BTN3A3: variants seen among roughly 807,000 people sequenced by gnomAD.
The protein encoded by BTN3A3 is butyrophilin subfamily 3 member A3.
In BTN3A3, 39 loss-of-function variants were observed where a neutral mutation model predicts 43.2. The ratio of observed to expected loss-of-function variants is 0.90; its 90% CI spans 0.70 to 1.18. The LOEUF (loss-of-function observed/expected upper bound fraction) is 1.18. Ranked by LOEUF, BTN3A3 falls within the 50% of genes most tolerant of loss-of-function variation. The probability of loss-of-function intolerance (pLI) is 0.00; values close to 1 mark genes in which losing one functional copy is unlikely to be tolerated. For synonymous variants in BTN3A3, 255 were observed against 272.7 expected (o/e 0.93, Z 0.64); for missense variants, 631 against 722.8 (o/e 0.87, Z 1.46).
rs79652472 is a variant in BTN3A3, at chr6:26,449,674, C to A, written c.977C>A (p.Ser326Tyr). 6.8e-6 allele frequency: 11 copies of A among 1,614,194 alleles called. No individual in the cohort carries two copies. Among genetic ancestry groups the A allele is most frequent in the Non-Finnish European group, 9.3e-6 (11 of 1,180,022 alleles). ...TCTTTCATTGTAGGTGGAGAGAAGT[C>A]TTTGGCCTATCATGGTGAGTGAGCC... ...KIQYMARGEK[S>Y]LAYHEWKMAL... is the part of the protein sequence containing the mutation. Residue 326 changes from serine (S) to tyrosine (Y), a missense_variant, in exon 9 of 11, where the codon TCT (serine) becomes TAT (tyrosine). By Grantham distance (144) the Ser-to-Tyr change is moderately radical. Coordinates refer to ENST00000244519, the MANE Select transcript of BTN3A3 (RefSeq NM_006994.5).
Position 26,452,480 on chromosome 6 carries a change from A to G in BTN3A3, c.*69A>G. 1 of 1,356,338 alleles carries G rather than the reference A, an allele frequency of 7.4e-7. No individual in the cohort carries two copies. The highest frequency in any genetic ancestry group is 9.8e-7 in the Non-Finnish European group (1 of 1,017,714). 84.0% of individuals were successfully genotyped at this position (1,356,338 alleles called of 1,614,324 possible). On this transcript the variant is annotated 3_prime_UTR_variant, in exon 11 of 11. Coordinates refer to ENST00000244519, the MANE Select transcript of BTN3A3 (RefSeq NM_006994.5). ...ACCACCTTATTGTCCCCTTATACAG[A>G]TAAGGAAACTGGGGTGCAGAAAGGT...
chr6:26,452,691 G>A lies in BTN3A3; in HGVS notation c.*280G>A, dbSNP rs1762962609. On this transcript the variant is annotated 3_prime_UTR_variant, in exon 11 of 11. Transcript: ENST00000244519. ...ATATTTTGCAAGTATGGAAGCTGAGGCAGGGCAACATGAAGTAACTTACAT... is the reference window on the plus strand; with the variant it reads ...ATATTTTGCAAGTATGGAAGCTGAGACAGGGCAACATGAAGTAACTTACAT... 2.6e-6 allele frequency: 1 copy of A among 379,188 alleles called. No homozygotes were observed. The highest frequency in any genetic ancestry group is 4.8e-6 in the Non-Finnish European group (1 of 210,504). 23.5% of individuals were successfully genotyped at this position (379,188 alleles called of 1,614,324 possible). A position where few individuals can be genotyped will look rare whatever the true frequency, so the allele number is the denominator to read the frequency against.
intron 5 of BTN3A3, among the ~76,000 whole-genome samples, chr6:26,447,567 C>G (rs1762812443): frequency 6.6e-6 from 1 of 152,120 alleles, no homozygotes; most frequent in Non-Finnish European, 1.5e-5. Flanking sequence ...TTCACCGTGT[C>G]GGCCAAGCTG....
chr6:26,450,597 G>C (rs762902973), intron 10 of BTN3A3, among the ~76,000 whole-genome samples: 2 of 152,220 alleles, frequency 1.3e-5, no homozygotes, highest in Middle Eastern at 3.2e-3. Context: ...TTTTGTGGGG[G>C]TGAGGTGAAG....
chr6:26,451,428 A>C (rs1244573751), intron 10 of BTN3A3, among the ~76,000 whole-genome samples: 1 of 152,142 alleles, frequency 6.6e-6, no homozygotes, highest in African/African-American at 2.4e-5. Flanking sequence ...GAGGATCCTT[A>C]TTGCTTCCTG....
intron 10 of BTN3A3, among the ~76,000 whole-genome samples, chr6:26,450,424 AG>A (rs913402551): frequency 2.6e-5 from 4 of 152,154 alleles, no homozygotes; most frequent in African/African-American, 9.7e-5. Flanking sequence ...GTGATACTGC[AG>A]GGAGAGTGAG....
intron 1 of BTN3A3, among the ~76,000 whole-genome samples, chr6:26,442,571 A>G (rs1406911134): frequency 6.6e-6 from 1 of 152,180 alleles, no homozygotes; most frequent in Non-Finnish European, 1.5e-5. Context: ...ACAATAAATC[A>G]ACTCTTTTTA....
At chr6:26,442,861 C>T (rs1762677162) in intron 1 of BTN3A3, among the ~76,000 whole-genome samples, 1 of 152,236 alleles carries the variant, frequency 6.6e-6, no homozygotes, top group Non-Finnish European at 1.5e-5. Context: ...AACAAGATCA[C>T]ACAGCTTGTG....
chr6:26,451,097 T>C (rs1581659443), intron 10 of BTN3A3, among the ~76,000 whole-genome samples: 2 of 152,216 alleles, frequency 1.3e-5, no homozygotes, highest in East Asian at 3.9e-4. Context: ...GGGCCCCTCA[T>C]AGAGCCCAGC....
chr6:26,452,254 A>T lies in BTN3A3; in HGVS notation c.1598A>T (p.Glu533Val), dbSNP rs1319215948. 6.2e-7 allele frequency: 1 copy of T among 1,614,118 alleles called. No homozygotes were observed. Among genetic ancestry groups the T allele is most frequent in the Admixed American group, 1.7e-5 (1 of 60,008 alleles). ...GACCTAGTGCCTGATCATTCCCTGGAGACACCACTGACCCCGGGCTTAGCT... is the reference window on the plus strand; with the variant it reads ...GACCTAGTGCCTGATCATTCCCTGGTGACACCACTGACCCCGGGCTTAGCT... ...DPDLVPDHSL[E>V]TPLTPGLANE... is the part of the protein sequence containing the mutation. Residue 533 changes from glutamate to valine, a missense_variant, in exon 11 of 11, where the codon GAG (glutamate) becomes GTG (valine). By Grantham distance (121) the Glu-to-Val change is moderately radical. This residue lies in a region of BTN3A3 where 551 missense variants were observed against 584.0 expected (regional missense o/e 0.94). Transcript: ENST00000244519.
At chr6:26,449,614 G>T (rs750339917) in intron 8 of BTN3A3, 48 bp from the exon 9 acceptor site, 1 of 1,610,958 alleles carries the variant, frequency 6.2e-7, no homozygotes, top group Middle Eastern at 1.7e-4. Flanking sequence ...GGGGCCAACA[G>T]AGCAAAGGCA....
At chr6:26,446,790 G>A (rs539483450) in intron 5 of BTN3A3, among the ~76,000 whole-genome samples, 12 of 152,080 alleles carry the variant, frequency 7.9e-5, no homozygotes, top group African/African-American at 2.2e-4. Context: ...GTGCAATGGC[G>A]CAATCTCGGC....
intron 10 of BTN3A3, among the ~76,000 whole-genome samples, chr6:26,451,253 G>A (rs1243934488): frequency 6.6e-6 from 1 of 152,128 alleles, no homozygotes; most frequent in Non-Finnish European, 1.5e-5. Flanking sequence ...CTTCAGATGA[G>A]GCTCCACCTT....
At chr6:26,442,242 T>C (rs1378654507) in intron 1 of BTN3A3, among the ~76,000 whole-genome samples, 1 of 152,198 alleles carries the variant, frequency 6.6e-6, no homozygotes, top group African/African-American at 2.4e-5. Flanking sequence ...GTTGAGGAGT[T>C]AGTATTTACT....
At chr6:26,444,404 A>G in intron 4 of BTN3A3, 100 bp downstream of exon 4, 3 of 1,577,918 alleles carry the variant, frequency 1.9e-6, no homozygotes, top group Non-Finnish European at 2.6e-6. Context: ...CTGGCTGCTC[A>G]CTAGCAATTG....
chr6:26,451,859 G>A lies in BTN3A3; in HGVS notation c.1203G>A (p.Val401=). Residue 401 remains valine, a synonymous_variant, in exon 11 of 11, where the codon GTG becomes GTA. Transcript: ENST00000244519. ...TSGRHYWEVE[V]GDRKEWHIGV... ...GGAGACATTACTGGGAGGTGGAAGT[G>A]GGGGACAGAAAAGAGTGGCATATTG... 1.2e-6 allele frequency: 2 copies of A among 1,614,152 alleles called. No individual in the cohort carries two copies. The highest frequency in any genetic ancestry group is 2.2e-5 in the South Asian group (2 of 91,082).
chr6:26,445,640 T>G (rs1762755606), intron 4 of BTN3A3, 64 bp from the exon 5 acceptor site: 1 of 1,541,924 alleles, frequency 6.5e-7, no homozygotes, highest in Admixed American at 1.8e-5. Context: ...TGCCATTGAT[T>G]CCCATTGAGA....
chr6:26,449,721 G>C (rs750429863), intron 9 of BTN3A3, 33 bp downstream of exon 9: 4 of 1,613,114 alleles, frequency 2.5e-6, no homozygotes, highest in Non-Finnish European at 3.4e-6. Context: ...GGGTTTGCTG[G>C]GTCATGTACA....
intron 3 of BTN3A3, 148 bp from the exon 4 acceptor site, chr6:26,443,809 C>T: frequency 1.3e-6 from 2 of 1,490,800 alleles, no homozygotes; most frequent in Non-Finnish European, 1.8e-6. Context: ...GAAGGACCAC[C>T]TGTCACAAAG....
Sources: gnomAD v4.1 joint callset for allele counts (sites outside exome capture counted in the v4.1 genomes callset) on GRCh38, gnomAD v4.1.1 for gene constraint, gnomAD v4.1.1 regional missense constraint, MANE v1.5 for transcripts, NCBI Gene and HGNC (gene_info 2026-07-23, HGNC 2026-07-21) for gene names.